The following HSDL2 variants were observed in gnomAD, a reference collection of about 807,000 sequenced individuals.
HSDL2 encodes hydroxysteroid dehydrogenase like 2, also known as hydroxysteroid dehydrogenase-like protein 2.
Under a neutral mutation model 46.3 loss-of-function variants are expected in HSDL2, and 27 were observed. That is an observed-to-expected ratio of 0.58 (90% CI 0.43 to 0.80). The LOEUF (loss-of-function observed/expected upper bound fraction) is 0.80, where lower values mean the gene tolerates loss of function less well. Among genes scored for constraint, HSDL2 ranks in the 30% least tolerant of loss-of-function variants. The pLI, the probability that HSDL2 is intolerant of heterozygous loss-of-function variation, is 0.00. For synonymous variants in HSDL2, 153 were observed against 163.6 expected (o/e 0.94, Z 0.50); for missense variants, 451 against 502.7 (o/e 0.90, Z 0.98).
At chr9:112,446,197 T>C (rs1564127537) in intron 8 of HSDL2, among the ~76,000 whole-genome samples, 1 of 152,174 alleles carries the variant, frequency 6.6e-6, no homozygotes, top group Non-Finnish European at 1.5e-5. Flanking sequence ...AGGTTGCTTT[T>C]GGCTCCCTTC....
intron 4 of HSDL2, among the ~76,000 whole-genome samples, chr9:112,409,706 T>G (rs1537055): frequency 0.9 from 137,495 of 152,078 alleles, 62,209 homozygotes; most frequent in South Asian, 0.96. Context: ...GCATAGTGGT[T>G]TGTGTGCTAC....
At chr9:112,410,638 T>C (rs1358272516) in intron 4 of HSDL2, among the ~76,000 whole-genome samples, 1 of 152,180 alleles carries the variant, frequency 6.6e-6, no homozygotes, top group Non-Finnish European at 1.5e-5. Context: ...AAAGTTTTAT[T>C]AGTTAGGGCC....
At chr9:112,395,361 G>T (rs1442726678) in intron 1 of HSDL2, among the ~76,000 whole-genome samples, 1 of 152,208 alleles carries the variant, frequency 6.6e-6, no homozygotes, top group Non-Finnish European at 1.5e-5. Flanking sequence ...TGGGCACCCA[G>T]ACAGGGGATT....
intron 6 of HSDL2, among the ~76,000 whole-genome samples, chr9:112,428,956 T>C (rs900395639): frequency 6.6e-6 from 1 of 152,222 alleles, no homozygotes; most frequent in Non-Finnish European, 1.5e-5. Flanking sequence ...TGGAGTGCAG[T>C]GGTGCGATCT....
At chr9:112,390,839 C>T (rs1017645949) in intron 1 of HSDL2, among the ~76,000 whole-genome samples, 1 of 152,122 alleles carries the variant, frequency 6.6e-6, no homozygotes, top group Non-Finnish European at 1.5e-5. Context: ...TCTTAAGATT[C>T]CCAAAGCCCT....
chr9:112,447,295 C>G (rs1832777014), intron 8 of HSDL2, among the ~76,000 whole-genome samples: 1 of 151,946 alleles, frequency 6.6e-6, no homozygotes, highest in Non-Finnish European at 1.5e-5. Flanking sequence ...TTTTTTTTGT[C>G]TCCTGAAGTT....
At chr9:112,454,753 T>C (rs1341920278) in intron 9 of HSDL2, among the ~76,000 whole-genome samples, 3 of 152,162 alleles carry the variant, frequency 2.0e-5, no homozygotes, top group African/African-American at 7.2e-5. Context: ...TTGCCCAGGC[T>C]GGAGTGCAGT....
chr9:112,384,631 G>A (rs1477124691), intron 1 of HSDL2, among the ~76,000 whole-genome samples: 2 of 151,840 alleles, frequency 1.3e-5, no homozygotes, highest in Non-Finnish European at 2.9e-5. Flanking sequence ...TGTTGAGGCT[G>A]TTGTGGTAAA....
intron 1 of HSDL2, among the ~76,000 whole-genome samples, chr9:112,402,783 T>C (rs1831636827): frequency 6.6e-6 from 1 of 151,934 alleles, no homozygotes; most frequent in African/African-American, 2.4e-5. Flanking sequence ...TAGCTGGGCG[T>C]GGTGGCCCAC....
intron 10 of HSDL2, among the ~76,000 whole-genome samples, chr9:112,464,335 A>T (rs1195303229): frequency 6.6e-6 from 1 of 152,040 alleles, no homozygotes; most frequent in East Asian, 1.9e-4. Context: ...TGGATATGTG[A>T]TTTGCAAATA....
At position 112,404,177 on chromosome 9, in the gene HSDL2, T is replaced by C; in HGVS notation, c.181+19T>C. The stretch of plus-strand genomic sequence containing the variant: ...GAAGAAAGTGAGTGTGACAGTGCCA[T>C]TTGATAAAATGTCTTTCTAGTGGTT... On this transcript the variant is annotated intron_variant, in intron 2 of 10. Transcript: ENST00000398805. 1 of 1,608,660 alleles carries C rather than the reference T, an allele frequency of 6.2e-7. No individual in the cohort carries two copies. The highest frequency in any genetic ancestry group is 1.7e-5 in the Admixed American group (1 of 59,406).
intron 5 of HSDL2, among the ~76,000 whole-genome samples, chr9:112,417,281 A>G (rs965699605): frequency 6.6e-6 from 1 of 152,148 alleles, no homozygotes; most frequent in Non-Finnish European, 1.5e-5. Context: ...TACTGTGTGT[A>G]ATTTATTCAT....
At chr9:112,425,122 CA>C (rs150171499) in intron 6 of HSDL2, among the ~76,000 whole-genome samples, 1,658 of 152,192 alleles carry the variant, frequency 0.011, 36 homozygotes, top group African/African-American at 0.038. Context: ...TGCTTTTCAT[CA>C]TAATATATAT....
chr9:112,408,010 T>C (rs1831768772), intron 3 of HSDL2, among the ~76,000 whole-genome samples: 1 of 152,240 alleles, frequency 6.6e-6, no homozygotes, highest in South Asian at 2.1e-4. Context: ...GCAGAAATAG[T>C]AGTTACTCTA....
intron 1 of HSDL2, among the ~76,000 whole-genome samples, chr9:112,388,141 AG>A (rs1350153063): frequency 6.6e-6 from 1 of 151,644 alleles, no homozygotes; most frequent in Non-Finnish European, 1.5e-5. Flanking sequence ...CCTGGGTGAC[AG>A]GGCAAGAGCC....
intron 10 of HSDL2, among the ~76,000 whole-genome samples, chr9:112,469,343 T>C (rs939675007): frequency 1.3e-5 from 2 of 151,960 alleles, no homozygotes; most frequent in African/African-American, 2.4e-5. Flanking sequence ...CAAACACATA[T>C]TGTGCCTTCT....
chr9:112,438,559 G>T lies in HSDL2; in HGVS notation c.727G>T (p.Val243Phe). Residue 243 changes from valine (V) to phenylalanine (F), a missense_variant, in exon 7 of 11, where the codon GTC (valine) becomes TTC (phenylalanine). By Grantham distance (50) the Val-to-Phe change is conservative. Transcript: ENST00000398805. ...GCCAAAAAGTTTTACTGGCAACTTTGTCATTGATGAAAATATCTTAAAAGA... is the reference window on the plus strand; with the variant it reads ...GCCAAAAAGTTTTACTGGCAACTTTTTCATTGATGAAAATATCTTAAAAGA... ...QKPKSFTGNF[V>F]IDENILKEEG... 1 of 1,611,862 alleles carries T rather than the reference G, an allele frequency of 6.2e-7. No homozygotes were observed. The highest frequency in any genetic ancestry group is 2.2e-5 in the East Asian group (1 of 44,814).
intron 4 of HSDL2, among the ~76,000 whole-genome samples, chr9:112,412,774 G>A (rs928458457): frequency 6.6e-6 from 1 of 152,124 alleles, no homozygotes; most frequent in Non-Finnish European, 1.5e-5. Flanking sequence ...TGAAAGTGAT[G>A]TCTTAACCCA....
intron 1 of HSDL2, among the ~76,000 whole-genome samples, chr9:112,383,950 C>T (rs966275162): frequency 6.6e-6 from 1 of 152,200 alleles, no homozygotes; most frequent in South Asian, 2.1e-4. Flanking sequence ...GATCCTCCTG[C>T]CTCAGCCCCC....
Sources: allele counts gnomAD v4.1 joint callset (sites outside exome capture counted in the v4.1 genomes callset), GRCh38; gene constraint gnomAD v4.1.1; transcripts MANE v1.5; gene names NCBI Gene and HGNC (gene_info 2026-07-23, HGNC 2026-07-21).